The following DLG5 variants were observed in gnomAD, a reference collection of about 807,000 sequenced individuals.
DLG5 encodes discs large MAGUK scaffold protein 5.
A neutral mutation model predicts 189.8 loss-of-function variants in DLG5; 48 were observed. The ratio of observed to expected loss-of-function variants is 0.25; its 90% confidence interval spans 0.20 to 0.32. The LOEUF is 0.32. Among genes scored for constraint, DLG5 ranks in the 10% least tolerant of loss-of-function variants. DLG5 has a pLI of 1.00. For missense variants in DLG5, 2,160 were observed against 2,544.7 expected, an observed-to-expected ratio of 0.85 and a Z score of 3.25; for synonymous variants, 1,016 against 1,054.1, an observed-to-expected ratio of 0.96 and a Z score of 0.70.
chr10:77,821,356 G>A lies in DLG5; in HGVS notation c.3128C>T (p.Pro1043Leu). The A allele has an allele frequency of 9.3e-6, 15 of 1,612,834 alleles. No homozygotes were observed. Among genetic ancestry groups the A allele is most frequent in the Non-Finnish European group, 1.3e-5 (15 of 1,180,004 alleles). ...ESEATLVGSS[P>L]STSPPSALPP... The stretch of plus-strand genomic sequence containing the variant: ...CAGGGCGCTCGGGGGACTAGTGGAT[G>A]GGGAGCTGCCCACCAGAGTGGCTTC... Residue 1043 changes from proline (P) to leucine (L), a missense_variant, in exon 15 of 32, where the codon CCA (proline) becomes CTA (leucine). By Grantham distance (98) the Pro-to-Leu change is moderately conservative. Coordinates refer to ENST00000372391, the MANE Select transcript of DLG5 (RefSeq NM_004747.4).
At position 77,843,530 on chromosome 10, in the gene DLG5, C is replaced by T. The variant is rs747570363; in HGVS notation, c.1041G>A (p.Arg347=). ...TCAGCATCTCTGTCTGCTTCAGCAA[C>T]CGCTGGTTCTCCTCCCCCAGCTGCT... The part of the protein sequence containing the change: ...RLEQLGEENQ[R]LLKQTEMLTQ... Residue 347 remains arginine (R), a synonymous_variant, in exon 6 of 32, where the codon CGG becomes CGA. Coordinates refer to ENST00000372391, the MANE Select transcript of DLG5 (RefSeq NM_004747.4). The T allele has an allele frequency of 4.2e-5, 68 of 1,614,094 alleles. No individual in the cohort carries two copies. Among genetic ancestry groups the T allele is most frequent in the Non-Finnish European group, 5.5e-5 (65 of 1,180,048 alleles).
chr10:77,846,554 G>A (rs1270197667), intron 5 of DLG5, among the ~76,000 whole-genome samples: 7 of 151,942 alleles, frequency 4.6e-5, no homozygotes, highest in Admixed American at 1.3e-4. Flanking sequence ...AAAATTAGCC[G>A]GGTGTGGTGG....
chr10:77,936,859 G>A, the DLG5 span, among the ~76,000 whole-genome samples: 1 of 152,062 alleles, frequency 6.6e-6, no homozygotes, highest in South Asian at 2.1e-4. Context: ...CCTACAATGT[G>A]TCTCTTTTAC....
intron 1 of DLG5, among the ~76,000 whole-genome samples, chr10:77,922,290 T>C (rs1443134212): frequency 2.0e-5 from 3 of 151,884 alleles, no homozygotes; most frequent in Non-Finnish European, 4.4e-5. Context: ...TTGAGAATCC[T>C]CAAGGGAAAA....
chr10:77,910,867 G>A (rs1846198153), intron 1 of DLG5, among the ~76,000 whole-genome samples: 1 of 152,006 alleles, frequency 6.6e-6, no homozygotes, highest in Non-Finnish European at 1.5e-5. Flanking sequence ...AGCTACTGGG[G>A]AGGCTGAGAC....
chr10:77,824,302 C>A, intron 14 of DLG5, 82 bp downstream of exon 14: 1 of 1,062,816 alleles, frequency 9.4e-7, no homozygotes, highest in Non-Finnish European at 1.4e-6. Flanking sequence ...ATCCTGTGAC[C>A]CCAAGGAGTA....
At chr10:77,854,484 C>T in intron 3 of DLG5, 114 bp from the exon 4 acceptor site, 1 of 1,318,862 alleles carries the variant, frequency 7.6e-7, no homozygotes, top group Non-Finnish European at 1.0e-6. Context: ...GTCTTCTATG[C>T]ACCACACACA....
At chr10:77,859,973 T>C (rs1317062670) in intron 2 of DLG5, among the ~76,000 whole-genome samples, 3 of 152,222 alleles carry the variant, frequency 2.0e-5, no homozygotes, top group African/African-American at 7.2e-5. Flanking sequence ...TGCTGAGTCA[T>C]CTGACTGACC....
intron 1 of DLG5, among the ~76,000 whole-genome samples, chr10:77,923,630 T>C (rs1276182434): frequency 1.3e-5 from 2 of 152,258 alleles, no homozygotes; most frequent in East Asian, 1.9e-4. Context: ...TGGTGGCATG[T>C]GCCTGTGGTC....
intron 1 of DLG5, among the ~76,000 whole-genome samples, chr10:77,918,945 G>C (rs1175932933): frequency 6.6e-6 from 1 of 152,174 alleles, no homozygotes; most frequent in Admixed American, 6.5e-5. Context: ...GCCGAGAGTG[G>C]TGGCTCATGC....
chr10:77,833,183 C>G (rs1314345116), intron 9 of DLG5, among the ~76,000 whole-genome samples: 1 of 152,128 alleles, frequency 6.6e-6, no homozygotes, highest in African/African-American at 2.4e-5. Flanking sequence ...AAACCCTGAT[C>G]TTTGTATTTC....
Position 77,811,122 on chromosome 10 carries a change from T to A in DLG5, c.4435A>T (p.Thr1479Ser). 3.7e-6 allele frequency: 6 copies of A among 1,610,968 alleles called. No homozygotes were observed. Among genetic ancestry groups the A allele is most frequent in the Non-Finnish European group, 5.1e-6 (6 of 1,179,784 alleles). ...PLMEQDEGPS[T>S]PPAKQSSSRI... ...GAGCTGCTCTGCTTGGCTGGGGGGG[T>A]GCTAGGCCCCTCGTCCTGCTCCATC... Residue 1479 changes from threonine to serine, a missense_variant, in exon 23 of 32, where the codon ACC becomes TCC. Transcript: ENST00000372391.
At chr10:77,835,659 C>T (rs1248661) in intron 8 of DLG5, 79 bp downstream of exon 8, 977,573 of 1,429,596 alleles carry the variant, frequency 0.68, 337,264 homozygotes, top group African/African-American at 0.92. Flanking sequence ...TAAATGATTC[C>T]GACCCTCCCA....
intron 7 of DLG5, 67 bp from the exon 8 acceptor site, chr10:77,835,989 C>T: frequency 6.5e-7 from 1 of 1,530,212 alleles, no homozygotes; most frequent in Non-Finnish European, 8.9e-7. Context: ...GCGCCTCCCA[C>T]CAGTGCGGGG....
At chr10:77,854,450 C>T in intron 3 of DLG5, 80 bp from the exon 4 acceptor site, 1 of 1,572,006 alleles carries the variant, frequency 6.4e-7, no homozygotes, top group Admixed American at 1.8e-5. Context: ...TGGATTAGGC[C>T]AGCCCAGTGG....
chr10:77,816,383 C>T (rs1842050408), intron 20 of DLG5, among the ~76,000 whole-genome samples, 168 bp downstream of exon 20: 1 of 152,254 alleles, frequency 6.6e-6, no homozygotes, highest in African/African-American at 2.4e-5. Flanking sequence ...CCCCACCTCC[C>T]TGCATCCAGT....
At chr10:77,843,328 G>A (rs111505150) in intron 6 of DLG5, 119 bp downstream of exon 6, 4 of 1,303,918 alleles carry the variant, frequency 3.1e-6, no homozygotes, top group African/African-American at 1.5e-5. Flanking sequence ...AATGTTTCCT[G>A]GTCAGAAGCA....
rs543517744 is a variant in DLG5, at chr10:77,805,064, G to C, written c.5164+601C>G. ...TGGCTCACTGCACCTCCGCCTCCTG[G>C]GTTCAAGGGATTCTCCTGCCTCAGC... is the stretch of plus-strand genomic sequence containing the variant. On this transcript the variant is annotated intron_variant, in intron 27 of 31. Coordinates refer to ENST00000372391, the MANE Select transcript of DLG5 (RefSeq NM_004747.4). Among the ~76,000 whole-genome samples, 10 of 152,234 alleles carry C rather than the reference G, an allele frequency of 6.6e-5. No individual in the cohort carries two copies. In the South Asian group the frequency reaches 2.1e-3, roughly 32 times the overall value.
At position 77,906,664 on chromosome 10, in the gene DLG5, G is replaced by A. The variant is rs1025635759; in HGVS notation, c.304+19553C>T. Reference sequence around the variant, plus strand: ...TCCTGAGATGGAGTCTCACTCTGTTGCCCAGGCTGGAGTGCAGTGGCACAA... The same window carrying A: ...TCCTGAGATGGAGTCTCACTCTGTTACCCAGGCTGGAGTGCAGTGGCACAA... On this transcript the variant is annotated intron_variant, in intron 1 of 31. Coordinates refer to ENST00000372391, the MANE Select transcript of DLG5 (RefSeq NM_004747.4). 3.8e-4 allele frequency among the ~76,000 whole-genome samples: 46 copies of A among 121,316 alleles called. 1 individual carries two copies. In the Admixed American group the frequency reaches 4.7e-3, roughly 12 times the overall value. The allele number at this position is 121,316 out of a possible 152,430, so 79.6% of individuals were successfully genotyped here.
Sources: gnomAD v4.1 joint callset for allele counts (sites outside exome capture counted in the v4.1 genomes callset) on GRCh38, gnomAD v4.1.1 for gene constraint, MANE v1.5 for transcripts, NCBI Gene and HGNC (gene_info 2026-07-23, HGNC 2026-07-21) for gene names.